The following PEBP4 variants were observed in gnomAD, a reference collection of about 807,000 sequenced individuals.
PEBP4 encodes the protein phosphatidylethanolamine-binding protein 4.
Under a neutral mutation model 23.9 loss-of-function variants are expected in PEBP4, and 22 were observed. The observed-to-expected ratio is 0.92, with a 90% CI of 0.66 to 1.31. PEBP4 has a LOEUF of 1.31. Ranked by LOEUF, PEBP4 falls within the 40% of genes most tolerant of loss-of-function variation. The pLI is 0.00. For synonymous variants in PEBP4, 112 were observed against 99.3 expected, an observed-to-expected ratio of 1.13 and a Z score of -0.76; for missense variants, 324 against 281.7, an observed-to-expected ratio of 1.15 and a Z score of -1.07.
intron 1 of PEBP4, among the ~76,000 whole-genome samples, chr8:22,938,539 G>A (rs1450424293): frequency 6.6e-6 from 1 of 152,152 alleles, no homozygotes; most frequent in Non-Finnish European, 1.5e-5. Context: ...TCACTAGGCT[G>A]TTACCTTCAT....
intron 3 of PEBP4, among the ~76,000 whole-genome samples, chr8:22,858,752 G>C (rs1807707498): frequency 6.6e-6 from 1 of 152,144 alleles, no homozygotes; most frequent in South Asian, 2.1e-4. Flanking sequence ...TTCGAAACCA[G>C]CCTAGCCAAC....
rs1333131167 is a variant in PEBP4, at chr8:22,865,842, C to T, written c.259-48107G>A. Among the ~76,000 whole-genome samples the T allele has an allele frequency of 6.6e-6, 1 of 152,206 alleles. No individual in the cohort carries two copies. The highest frequency in any genetic ancestry group is 1.9e-4 in the East Asian group (1 of 5,186). On this transcript the variant is annotated intron_variant, in intron 3 of 6. Transcript: ENST00000256404. The surrounding 1 kb of genome is among the most constrained non-coding windows in gnomAD (Gnocchi z 6.9). ...GACCCCCACCCCGGGCTCGAACTCC[C>T]GACAAGACTGAGCGCAGGGCCCACC... is the stretch of plus-strand genomic sequence containing the variant.
Position 22,839,807 on chromosome 8 carries a change from C to T in PEBP4, c.259-22072G>A, listed in dbSNP as rs544643497. 8.5e-5 allele frequency among the ~76,000 whole-genome samples: 13 copies of T among 152,254 alleles called. No homozygotes were observed. The South Asian group carries it at 1.2e-3, about 15-fold the overall frequency. On this transcript the variant is annotated intron_variant, in intron 3 of 6. Coordinates refer to ENST00000256404, the MANE Select transcript of PEBP4 (RefSeq NM_144962.3). Reference sequence around the variant, plus strand: ...ACTGCCAGCTCTTCCACGTGAGGGGCCCATCTCATCCTGTGAGGCTGAAAA... The same window carrying T: ...ACTGCCAGCTCTTCCACGTGAGGGGTCCATCTCATCCTGTGAGGCTGAAAA...
At chr8:22,910,707 GAA>G (rs1328931642) in intron 3 of PEBP4, among the ~76,000 whole-genome samples, 1 of 152,210 alleles carries the variant, frequency 6.6e-6, no homozygotes, top group Admixed American at 6.5e-5. Flanking sequence ...CTATTAATTT[GAA>G]AAGACTACAT....
At chr8:22,891,796 G>A (rs949855895) in intron 3 of PEBP4, among the ~76,000 whole-genome samples, 14 of 152,312 alleles carry the variant, frequency 9.2e-5, no homozygotes, top group African/African-American at 3.1e-4. Context: ...GGGAAGGGCC[G>A]GGCATGGTGG....
chr8:22,897,214 AAATTT>A (rs1808605834), intron 3 of PEBP4, among the ~76,000 whole-genome samples: 1 of 152,090 alleles, frequency 6.6e-6, no homozygotes, highest in Non-Finnish European at 1.5e-5. Flanking sequence ...CATCTTCTTT[AAATTT>A]AAGACTGTTC....
At chr8:22,745,325 G>C (rs911176510) in intron 4 of PEBP4, among the ~76,000 whole-genome samples, 1 of 152,196 alleles carries the variant, frequency 6.6e-6, no homozygotes, top group African/African-American at 2.4e-5. Context: ...CATGTCCCCA[G>C]CCTTGGGTCC....
intron 4 of PEBP4, among the ~76,000 whole-genome samples, chr8:22,792,132 T>A (rs1806153017): frequency 6.6e-6 from 1 of 152,056 alleles, no homozygotes; most frequent in South Asian, 2.1e-4. Context: ...GTGCTGGGAT[T>A]ACAGGGATAA....
At position 22,727,172 on chromosome 8, in the gene PEBP4, C is replaced by G; in HGVS notation, c.403+3G>C. ...GGGAAGGGGTCCCTAGGGTCTTACT[C>G]ACCTGATAACTCCTGGCCCTGAATC... is the stretch of plus-strand genomic sequence containing the variant. On this transcript the variant is annotated splice_donor_region_variant and intron_variant, in intron 5 of 6. Coordinates refer to ENST00000256404, the MANE Select transcript of PEBP4 (RefSeq NM_144962.3). 1 of 1,613,988 alleles carries G rather than the reference C, an allele frequency of 6.2e-7. No individual in the cohort carries two copies. Among genetic ancestry groups the G allele is most frequent in the African/African-American group, 1.3e-5 (1 of 75,004 alleles).
chr8:22,786,250 T>C (rs1806024574), intron 4 of PEBP4, among the ~76,000 whole-genome samples: 3 of 152,184 alleles, frequency 2.0e-5, no homozygotes, highest in African/African-American at 4.8e-5. Flanking sequence ...CCTCTGGTAA[T>C]AGGCTAGGTA....
intron 3 of PEBP4, among the ~76,000 whole-genome samples, chr8:22,919,861 A>G (rs1249902182): frequency 1.3e-5 from 2 of 152,062 alleles, no homozygotes; most frequent in Non-Finnish European, 2.9e-5. Flanking sequence ...CAAAGCACAC[A>G]CCAGCTGGTC....
intron 4 of PEBP4, chr8:22,755,639 A>C (rs1048262625): frequency 1.3e-5 from 2 of 152,082 alleles, no homozygotes; most frequent in Non-Finnish European, 2.9e-5. Context: ...CTGGGGCAAA[A>C]TTGTATACTC....
At chr8:22,860,782 G>A (rs923844313) in intron 3 of PEBP4, among the ~76,000 whole-genome samples, 1 of 152,190 alleles carries the variant, frequency 6.6e-6, no homozygotes, top group African/African-American at 2.4e-5. Context: ...AGGGACACAA[G>A]GATGAGTAGC....
chr8:22,897,248 G>T (rs532126950), intron 3 of PEBP4, among the ~76,000 whole-genome samples: 1 of 152,148 alleles, frequency 6.6e-6, no homozygotes, highest in Admixed American at 6.5e-5. Flanking sequence ...ATCATGCAAA[G>T]TCCCTGGGGA....
intron 3 of PEBP4, among the ~76,000 whole-genome samples, chr8:22,841,579 G>A (rs1807330138): frequency 6.6e-6 from 1 of 152,224 alleles, no homozygotes; most frequent in Non-Finnish European, 1.5e-5. Flanking sequence ...TGTGCAATGA[G>A]GCCTCCAGGT....
chr8:22,821,596 G>A (rs1046697141), intron 3 of PEBP4, among the ~76,000 whole-genome samples: 8 of 152,288 alleles, frequency 5.3e-5, no homozygotes, highest in African/African-American at 1.9e-4. Context: ...GGGCAGTGGA[G>A]ATTCATGGAT....
At chr8:22,826,976 C>T (rs548773524) in intron 3 of PEBP4, among the ~76,000 whole-genome samples, 85 of 152,294 alleles carry the variant, frequency 5.6e-4, no homozygotes, top group African/African-American at 2.0e-3. Context: ...AGTTCTCTTT[C>T]ACTGATGCTG....
At chr8:22,892,397 C>T (rs1252207246) in intron 3 of PEBP4, among the ~76,000 whole-genome samples, 1 of 152,152 alleles carries the variant, frequency 6.6e-6, no homozygotes, top group Non-Finnish European at 1.5e-5. Flanking sequence ...TCTTGCAAAA[C>T]AAAAACTCCA....
chr8:22,904,222 C>T lies in PEBP4; in HGVS notation c.258+15962G>A, dbSNP rs138484263. On this transcript the variant is annotated intron_variant, in intron 3 of 6. Coordinates refer to ENST00000256404, the MANE Select transcript of PEBP4 (RefSeq NM_144962.3). ...CACGAGGCAGCTTGTGCCTCAGTAC[C>T]TGCTGAGGGACCCCAGGGCTCTCCG... is the stretch of plus-strand genomic sequence containing the variant. Among the ~76,000 whole-genome samples, 292 of 152,304 alleles carry T rather than the reference C, an allele frequency of 1.9e-3. 1 individual carries two copies. The highest frequency in any genetic ancestry group is 6.5e-3 in the African/African-American group (272 of 41,564).
Sources: allele counts gnomAD v4.1 joint callset (sites outside exome capture counted in the v4.1 genomes callset), GRCh38; gene constraint gnomAD v4.1.1; non-coding constraint Gnocchi (gnomAD v3.1); transcripts MANE v1.5; gene names NCBI Gene and HGNC (gene_info 2026-07-23, HGNC 2026-07-21).